The following SPATA22 variants were observed in gnomAD, a reference collection of about 807,000 sequenced individuals.
SPATA22 encodes spermatogenesis associated 22.
A neutral mutation model predicts 47.8 loss-of-function variants in SPATA22; 29 were observed. That is an observed-to-expected ratio of 0.61 (90% CI 0.45 to 0.83). The LOEUF (loss-of-function observed/expected upper bound fraction) is 0.83. SPATA22 is among the 40% of genes least tolerant of loss of function. The pLI, the probability that SPATA22 is intolerant of heterozygous loss-of-function variation, is 0.00. For missense variants in SPATA22, 410 were observed against 421.7 expected (o/e 0.97, Z 0.24); for synonymous variants, 133 against 140.9 (o/e 0.94, Z 0.40).
At chr17:3,483,693 T>A in intron 1 of SPATA22, 5 of 1,163,890 alleles carry the variant, frequency 4.3e-6, no homozygotes, top group Non-Finnish European at 6.3e-6. Flanking sequence ...GACAGAGTCT[T>A]GCTCTGTCAC....
intron 5 of SPATA22, among the ~76,000 whole-genome samples, chr17:3,458,183 A>G (rs2073039180): frequency 6.6e-6 from 1 of 152,230 alleles, no homozygotes; most frequent in Admixed American, 6.5e-5. Context: ...ATTTTTGTAA[A>G]GAAGACACAC....
rs1311806116 is a variant in SPATA22 at position 3,451,062 on chromosome 17, G to T, written c.330-1913C>A. 2.0e-5 allele frequency among the ~76,000 whole-genome samples: 3 copies of T among 152,198 alleles called. No homozygotes were observed. The East Asian group carries it at 5.8e-4, about 29-fold the overall frequency. On this transcript the variant is annotated intron_variant, in intron 5 of 8. Coordinates refer to ENST00000572969, the MANE Select transcript of SPATA22 (RefSeq NM_001170698.2). ...GATCCAACTGTATGCTGTCTACAATGAACTCAGTTTAGATTCAAAGACACA... is the reference window on the plus strand; with the variant it reads ...GATCCAACTGTATGCTGTCTACAATTAACTCAGTTTAGATTCAAAGACACA...
At chr17:3,471,321 G>A in intron 1 of SPATA22, 1 of 619,542 alleles carries the variant, frequency 1.6e-6, no homozygotes, top group African/African-American at 2.0e-5. Flanking sequence ...GCTTACGAGG[G>A]CTATTATGTT....
At chr17:3,449,187 G>C in intron 5 of SPATA22, 38 bp from the exon 6 acceptor site, 1 of 1,406,282 alleles carries the variant, frequency 7.1e-7, no homozygotes, top group Non-Finnish European at 9.6e-7. Flanking sequence ...GTTTCTATAT[G>C]GTTTCTTAAT....
intron 1 of SPATA22, chr17:3,511,065 C>T (rs1027660154): frequency 6.6e-6 from 1 of 152,256 alleles, no homozygotes; most frequent in African/African-American, 2.4e-5. Context: ...GAGACCCCAT[C>T]CCTGGAAAAC....
chr17:3,499,972 C>T (rs2073970605), intron 1 of SPATA22: 1 of 152,198 alleles, frequency 6.6e-6, no homozygotes, highest in Admixed American at 6.5e-5. Context: ...AAAAATTCTA[C>T]TCCAGTGCAC....
chr17:3,441,298 A>T (rs1443776634), intron 8 of SPATA22: 2 of 152,124 alleles, frequency 1.3e-5, no homozygotes, highest in Non-Finnish European at 2.9e-5. Flanking sequence ...TTCCCAGAAT[A>T]GTTTTTCTTT....
intron 1 of SPATA22, among the ~76,000 whole-genome samples, chr17:3,507,790 T>C (rs1177070128): frequency 6.6e-6 from 1 of 152,188 alleles, no homozygotes; most frequent in African/African-American, 2.4e-5. Context: ...GCTGAACGCA[T>C]TGAAGGAATC....
At chr17:3,458,692 T>C (rs549261313) in intron 5 of SPATA22, among the ~76,000 whole-genome samples, 1 of 151,400 alleles carries the variant, frequency 6.6e-6, no homozygotes, top group South Asian at 2.1e-4. Context: ...AAATACGAAA[T>C]TAGCCAGGCA....
At position 3,462,779 on chromosome 17, in the gene SPATA22, T is replaced by C. The variant is rs2073156926; in HGVS notation, c.173-12A>G. On this transcript the variant is annotated splice_polypyrimidine_tract_variant and intron_variant, in intron 3 of 8. Coordinates refer to ENST00000572969, the MANE Select transcript of SPATA22 (RefSeq NM_001170698.2). The stretch of plus-strand genomic sequence containing the variant: ...TTCCCAGGCCCAATCTCAAAAGATA[T>C]AAGTAACATAGATAAAAGTAAGATA... The C allele has an allele frequency of 1.3e-6, 2 of 1,594,736 alleles. No individual in the cohort carries two copies. Among genetic ancestry groups the C allele is most frequent in the East Asian group, 2.2e-5 (1 of 44,758 alleles).
At chr17:3,480,984 G>T (rs1442549288) in intron 1 of SPATA22, among the ~76,000 whole-genome samples, 3 of 152,068 alleles carry the variant, frequency 2.0e-5, no homozygotes, top group Admixed American at 6.6e-5. Flanking sequence ...GCTGGGCATG[G>T]TGGCACGCAC....
intron 1 of SPATA22, among the ~76,000 whole-genome samples, chr17:3,507,502 G>C (rs543816912): frequency 6.6e-5 from 10 of 152,232 alleles, no homozygotes; most frequent in Non-Finnish European, 1.2e-4. Context: ...TTTTTGAGTT[G>C]GACTGAATCC....
chr17:3,450,488 T>G (rs2072832421), intron 5 of SPATA22, among the ~76,000 whole-genome samples: 1 of 152,234 alleles, frequency 6.6e-6, no homozygotes, highest in Non-Finnish European at 1.5e-5. Flanking sequence ...AATTTTTTCC[T>G]ACACTGATCA....
At chr17:3,450,278 G>A (rs1194225200) in intron 5 of SPATA22, among the ~76,000 whole-genome samples, 1 of 152,166 alleles carries the variant, frequency 6.6e-6, no homozygotes, top group African/African-American at 2.4e-5. Flanking sequence ...CTGCTGACCA[G>A]GAACAAATCC....
chr17:3,455,946 T>G (rs2072982304), intron 5 of SPATA22, among the ~76,000 whole-genome samples: 2 of 152,312 alleles, frequency 1.3e-5, no homozygotes, highest in East Asian at 1.9e-4. Flanking sequence ...GTTCTTCCAT[T>G]TGTTTGTATC....
chr17:3,494,367 T>G, intron 1 of SPATA22: 1 of 1,611,242 alleles, frequency 6.2e-7, no homozygotes, highest in Non-Finnish European at 8.5e-7. Context: ...ATTTCCTCCC[T>G]GCGCCATTGA....
At chr17:3,504,195 G>A (rs556489970) in intron 1 of SPATA22, among the ~76,000 whole-genome samples, 5 of 152,092 alleles carry the variant, frequency 3.3e-5, no homozygotes, top group African/African-American at 4.8e-5. Flanking sequence ...AGCCAACATG[G>A]TCTTCGTCGA....
intron 7 of SPATA22, among the ~76,000 whole-genome samples, chr17:3,445,935 G>A (rs1414309589): frequency 7.2e-5 from 11 of 152,060 alleles, no homozygotes; most frequent in Non-Finnish European, 1.0e-4. Flanking sequence ...TAATAGTTAC[G>A]GAGGTCAGAA....
rs571354968 is a variant in SPATA22, at chr17:3,510,659, C to T, written c.-74+2753G>A. ...AGGTAAATGAGAATTTACAAGGATC[C>T]GGCACATTCAAGGGAGAATGGGGTG... On this transcript the variant is annotated intron_variant, in intron 1 of 8. Coordinates refer to the SPATA22 transcript ENST00000541913. 7.2e-5 allele frequency: 11 copies of T among 152,298 alleles called. No individual in the cohort carries two copies. In the South Asian group the frequency reaches 1.5e-3, roughly 20 times the overall value. 9.4% of individuals were successfully genotyped at this position (152,298 alleles called of 1,614,324 possible).
Sources: gnomAD v4.1 joint callset for allele counts (sites outside exome capture counted in the v4.1 genomes callset) on GRCh38, gnomAD v4.1.1 for gene constraint, MANE v1.5 for transcripts, NCBI Gene and HGNC (gene_info 2026-07-23, HGNC 2026-07-21) for gene names.